The following SLC4A1AP variants were observed in gnomAD, a reference collection of about 807,000 sequenced individuals.
The protein encoded by SLC4A1AP is solute carrier family 4 member 1 adaptor protein, also known as kanadaptin.
Under a neutral mutation model 89.7 loss-of-function variants are expected in SLC4A1AP, and 64 were observed. The observed-to-expected ratio is 0.71, with a 90% CI of 0.58 to 0.88. The LOEUF is 0.88. Among genes scored for constraint, SLC4A1AP ranks in the 40% least tolerant of loss-of-function variants. The probability of loss-of-function intolerance (pLI) is 0.00; values close to 1 mark genes in which losing one functional copy is unlikely to be tolerated. For synonymous variants in SLC4A1AP, 366 were observed against 353.3 expected (o/e 1.04, Z -0.40); for missense variants, 931 against 965.0 (o/e 0.96, Z 0.47).
intron 1 of SLC4A1AP, among the ~76,000 whole-genome samples, chr2:27,664,884 A>G (rs1427563690): frequency 6.6e-6 from 1 of 151,518 alleles, no homozygotes; most frequent in Non-Finnish European, 1.5e-5. Context: ...GCTGGGCAAC[A>G]TGGCAAGACC....
At chr2:27,673,047 G>T (rs544520167) in intron 5 of SLC4A1AP, among the ~76,000 whole-genome samples, 1 of 152,238 alleles carries the variant, frequency 6.6e-6, no homozygotes, top group African/African-American at 2.4e-5. Context: ...ATTAACCTCT[G>T]GATTTCTACT....
chr2:27,686,277 G>A (rs994876944), intron 10 of SLC4A1AP, among the ~76,000 whole-genome samples: 3 of 152,172 alleles, frequency 2.0e-5, no homozygotes, highest in African/African-American at 7.2e-5. Context: ...TAAGTATTCT[G>A]TATCTGCATT....
chr2:27,678,384 TCAGC>T (rs1355666860), intron 8 of SLC4A1AP, among the ~76,000 whole-genome samples: 2 of 151,926 alleles, frequency 1.3e-5, no homozygotes, highest in African/African-American at 2.4e-5. Flanking sequence ...AATAAAAACA[TCAGC>T]CAGCCATGTT....
intron 10 of SLC4A1AP, among the ~76,000 whole-genome samples, chr2:27,686,549 G>A (rs897830602): frequency 2.6e-5 from 4 of 152,210 alleles, no homozygotes; most frequent in Non-Finnish European, 5.9e-5. Flanking sequence ...TGGATCACCT[G>A]AGGTCAGGAG....
intron 5 of SLC4A1AP, among the ~76,000 whole-genome samples, chr2:27,670,922 C>CTTTTTTT (rs34481114): frequency 2.1e-4 from 23 of 111,844 alleles, no homozygotes; most frequent in East Asian, 5.5e-4. Flanking sequence ...CTTTTCTTTT[C>CTTTTTTT]TTTTTTTTTT....
At chr2:27,685,222 G>A in exon 10 of SLC4A1AP, 2 of 1,614,096 alleles carry the variant, frequency 1.2e-6, no homozygotes, top group Non-Finnish European at 1.7e-6. Flanking sequence ...AAGCAGCAGT[G>A]CAGGAAATGA....
At chr2:27,674,176 A>G (rs1427206650) in intron 5 of SLC4A1AP, among the ~76,000 whole-genome samples, 1 of 152,144 alleles carries the variant, frequency 6.6e-6, no homozygotes, top group Non-Finnish European at 1.5e-5. Context: ...TCTTTGCCCC[A>G]TCTCTAAATA....
chr2:27,688,679 A>G, intron 11 of SLC4A1AP, 21 bp from the exon 12 acceptor site: 3 of 1,515,112 alleles, frequency 2.0e-6, no homozygotes, highest in Non-Finnish European at 2.7e-6. Flanking sequence ...AGCTATTGCC[A>G]GTTTTTTTTT....
intron 5 of SLC4A1AP, among the ~76,000 whole-genome samples, chr2:27,670,163 A>G (rs1675398811): frequency 6.9e-6 from 1 of 145,020 alleles, no homozygotes; most frequent in Non-Finnish European, 1.5e-5. Context: ...GCACCTGGCC[A>G]ATTTTTGTAT....
intron 9 of SLC4A1AP, among the ~76,000 whole-genome samples, chr2:27,683,682 T>C (rs1265336573): frequency 6.6e-6 from 1 of 152,160 alleles, no homozygotes; most frequent in Non-Finnish European, 1.5e-5. Flanking sequence ...CAAAACACCC[T>C]GAATTAGGGT....
chr2:27,665,036 T>C (rs528975574), intron 1 of SLC4A1AP, 64 bp from the exon 2 acceptor site: 201 of 1,379,198 alleles, frequency 1.5e-4, no homozygotes, highest in Non-Finnish European at 1.9e-4. Flanking sequence ...CAGTCCAGCC[T>C]AGGCGACAGA....
chr2:27,678,032 G>C, intron 8 of SLC4A1AP, 108 bp downstream of exon 8: 1 of 726,362 alleles, frequency 1.4e-6, no homozygotes, highest in Non-Finnish European at 2.1e-6. Context: ...CAAATGTAAT[G>C]CAAGGAACCC....
intron 8 of SLC4A1AP, among the ~76,000 whole-genome samples, chr2:27,679,265 T>TA (rs1443041640): frequency 6.6e-6 from 1 of 152,154 alleles, no homozygotes; most frequent in Non-Finnish European, 1.5e-5. Flanking sequence ...TTAATAGTAG[T>TA]AAAAAATTAG....
chr2:27,677,790 G>A (rs376987204), exon 8 of SLC4A1AP: 2 of 1,613,216 alleles, frequency 1.2e-6, no homozygotes, highest in Non-Finnish European at 1.7e-6. Context: ...TGTCAGAAAT[G>A]AAATCAGGCA....
chr2:27,694,903 G>C (rs1433319751), exon 14 of SLC4A1AP: 1 of 389,590 alleles, frequency 2.6e-6, no homozygotes, highest in African/African-American at 2.1e-5. Context: ...TATGTAAAAA[G>C]GGAACCATAT....
At chr2:27,681,336 G>C (rs1342910168) in intron 8 of SLC4A1AP, among the ~76,000 whole-genome samples, 1 of 152,164 alleles carries the variant, frequency 6.6e-6, no homozygotes, top group Non-Finnish European at 1.5e-5. Context: ...TGCTACTAAG[G>C]GGATAAGACT....
intron 12 of SLC4A1AP, among the ~76,000 whole-genome samples, chr2:27,690,209 G>A (rs181624526): frequency 6.6e-6 from 1 of 152,214 alleles, no homozygotes; most frequent in African/African-American, 2.4e-5. Flanking sequence ...TTACATAGAT[G>A]AATCATATAG....
chr2:27,677,928 A>G lies in SLC4A1AP; in HGVS notation c.1763+4A>G. The G allele has an allele frequency of 6.4e-7, 1 of 1,565,906 alleles. No individual in the cohort carries two copies. Reference sequence around the variant, plus strand: ...CAGAGATTCCAGAACTAAAAAAGTAAGTCTTAGTTATATTTGGAATTCTAA... The same window carrying G: ...CAGAGATTCCAGAACTAAAAAAGTAGGTCTTAGTTATATTTGGAATTCTAA... On this transcript the variant is annotated splice_donor_region_variant and intron_variant, in intron 8 of 13. Transcript: ENST00000613058.
At chr2:27,676,389 A>T (rs893115635) in intron 6 of SLC4A1AP, among the ~76,000 whole-genome samples, 1 of 152,258 alleles carries the variant, frequency 6.6e-6, no homozygotes, top group Admixed American at 6.5e-5. Context: ...ATTACCCAAC[A>T]TCTATCCTTT....
Sources: gnomAD v4.1 joint callset for allele counts (sites outside exome capture counted in the v4.1 genomes callset) on GRCh38, gnomAD v4.1.1 for gene constraint, MANE v1.5 for transcripts, NCBI Gene and HGNC (gene_info 2026-07-23, HGNC 2026-07-21) for gene names.